The following CENPW variants were observed in gnomAD, a reference collection of about 807,000 sequenced individuals.
CENPW encodes the protein centromere protein W.
A neutral mutation model predicts 11.1 loss-of-function variants in CENPW; 3 were observed. That is an observed-to-expected ratio of 0.27 (90% CI 0.12 to 0.70). The LOEUF is 0.70. CENPW is among the 30% of genes least tolerant of loss of function. CENPW has a pLI of 0.77. For synonymous variants in CENPW, 38 were observed against 42.0 expected (o/e 0.91, Z 0.37); for missense variants, 100 against 105.6 (o/e 0.95, Z 0.23).
the CENPW span, among the ~76,000 whole-genome samples, chr6:126,393,418 T>C: frequency 6.6e-6 from 1 of 151,716 alleles, no homozygotes; most frequent in Non-Finnish European, 1.5e-5. Context: ...TAGGCCCTTA[T>C]AGCTATAAAC....
chr6:126,420,024 TTA>T, the CENPW span, among the ~76,000 whole-genome samples: 1 of 152,178 alleles, frequency 6.6e-6, no homozygotes, highest in Non-Finnish European at 1.5e-5. Context: ...AGCACAGTAG[TTA>T]TAAATGAAGT....
At chr6:126,474,933 A>G in the CENPW span, among the ~76,000 whole-genome samples, 1 of 152,170 alleles carries the variant, frequency 6.6e-6, no homozygotes, top group Non-Finnish European at 1.5e-5. Context: ...GGTGCCTGCT[A>G]TGAAAAGAAA....
At chr6:126,392,329 C>T in the CENPW span, among the ~76,000 whole-genome samples, 1 of 151,860 alleles carries the variant, frequency 6.6e-6, no homozygotes, top group Non-Finnish European at 1.5e-5. Flanking sequence ...TTGCAGTTGG[C>T]ATAAAAAATA....
the CENPW span, among the ~76,000 whole-genome samples, chr6:126,451,475 C>T: frequency 2.0e-5 from 3 of 150,934 alleles, no homozygotes; most frequent in South Asian, 2.1e-4. Flanking sequence ...AGTTCCAGCT[C>T]GAGGAAAAGG....
the CENPW span, among the ~76,000 whole-genome samples, chr6:126,398,837 C>G: frequency 6.6e-6 from 1 of 151,178 alleles, no homozygotes; most frequent in Non-Finnish European, 1.5e-5. Context: ...TAGTATCCCC[C>G]AATGTCTATT....
At chr6:126,377,345 A>G in the CENPW span, among the ~76,000 whole-genome samples, 1 of 152,212 alleles carries the variant, frequency 6.6e-6, no homozygotes, top group Non-Finnish European at 1.5e-5. Context: ...AAAAAAGACC[A>G]GAATTAGTCA....
the CENPW span, among the ~76,000 whole-genome samples, chr6:126,457,340 A>G: frequency 1.6e-4 from 24 of 151,774 alleles, no homozygotes; most frequent in Non-Finnish European, 2.7e-4. Context: ...GACTGAATAA[A>G]GAAAATGTGG....
the CENPW span, among the ~76,000 whole-genome samples, chr6:126,415,820 G>A: frequency 1.4e-4 from 22 of 152,090 alleles, no homozygotes; most frequent in African/African-American, 3.6e-4. Context: ...TAGAACTGTC[G>A]GTCCAATAAA....
chr6:126,480,159 T>C, the CENPW span, among the ~76,000 whole-genome samples: 5 of 152,020 alleles, frequency 3.3e-5, no homozygotes, highest in Non-Finnish European at 5.9e-5. Context: ...TTTAACTTTG[T>C]TTTTTAAAGT....
At chr6:126,391,947 T>G in the CENPW span, among the ~76,000 whole-genome samples, 1 of 151,994 alleles carries the variant, frequency 6.6e-6, no homozygotes, top group Non-Finnish European at 1.5e-5. Context: ...TAGCTTTGAC[T>G]ATTCTAGGTC....
chr6:126,413,919 A>C, the CENPW span, among the ~76,000 whole-genome samples: 1 of 151,972 alleles, frequency 6.6e-6, no homozygotes, highest in African/African-American at 2.4e-5. Context: ...GCTACTTGTG[A>C]GAAATTCACT....
At chr6:126,420,339 A>C in the CENPW span, among the ~76,000 whole-genome samples, 1 of 152,170 alleles carries the variant, frequency 6.6e-6, no homozygotes, top group African/African-American at 2.4e-5. Context: ...AACTAGGGTA[A>C]GCAAGCAGAT....
chr6:126,350,332 T>C (rs1780476620), downstream of CENPW, among the ~76,000 whole-genome samples: 6 of 152,106 alleles, frequency 3.9e-5, no homozygotes, highest in Admixed American at 3.9e-4. Flanking sequence ...AGGTCTGAGA[T>C]CATGGTGCCA....
chr6:126,442,283 CT>C, the CENPW span, among the ~76,000 whole-genome samples: 1 of 151,366 alleles, frequency 6.6e-6, no homozygotes, highest in Admixed American at 6.6e-5. Context: ...GATCTTAGCC[CT>C]TTTTTTGATG....
chr6:126,409,235 C>T, the CENPW span, among the ~76,000 whole-genome samples: 581 of 152,190 alleles, frequency 3.8e-3, 4 homozygotes, highest in African/African-American at 0.013. Context: ...TTGTACCTTT[C>T]AAAAATTTCT....
the CENPW span, among the ~76,000 whole-genome samples, chr6:126,456,009 G>A: frequency 6.6e-6 from 1 of 150,996 alleles, no homozygotes; most frequent in African/African-American, 2.4e-5. Flanking sequence ...ACGAGGGGGG[G>A]CAAAAGATGT....
chr6:126,371,794 T>C, the CENPW span, among the ~76,000 whole-genome samples: 1 of 152,196 alleles, frequency 6.6e-6, no homozygotes, highest in Non-Finnish European at 1.5e-5. Flanking sequence ...TATTTCTTCC[T>C]GGTTTAATCT....
At chr6:126,481,965 T>C in the CENPW span, among the ~76,000 whole-genome samples, 1 of 152,140 alleles carries the variant, frequency 6.6e-6, no homozygotes, top group Non-Finnish European at 1.5e-5. Flanking sequence ...TTATTGATCA[T>C]TTGGATATAT....
chr6:126,452,491 C>T, the CENPW span, among the ~76,000 whole-genome samples: 1 of 150,916 alleles, frequency 6.6e-6, no homozygotes, highest in Non-Finnish European at 1.5e-5. Flanking sequence ...ACAAACCAAA[C>T]CAAATTCTCA....
Sources: allele counts gnomAD v4.1 joint callset (sites outside exome capture counted in the v4.1 genomes callset), GRCh38; gene constraint gnomAD v4.1.1; transcripts MANE v1.5; gene names NCBI Gene and HGNC (gene_info 2026-07-23, HGNC 2026-07-21).